The following DYNC2H1 variants were observed in gnomAD, a reference collection of about 807,000 sequenced individuals.
The protein encoded by DYNC2H1 is dynein cytoplasmic 2 heavy chain 1, also known as cytoplasmic dynein 2 heavy chain 1.
A neutral mutation model predicts 570.0 loss-of-function variants in DYNC2H1; 410 were observed. The observed-to-expected ratio is 0.72, with a 90% CI of 0.66 to 0.78. The LOEUF (loss-of-function observed/expected upper bound fraction) is 0.78, where lower values mean the gene tolerates loss of function less well. Among genes scored for constraint, DYNC2H1 ranks in the 30% least tolerant of loss-of-function variants. The pLI, the probability that DYNC2H1 is intolerant of heterozygous loss-of-function variation, is 0.00. For synonymous variants in DYNC2H1, 1,688 were observed against 1,677.6 expected (o/e 1.01, Z -0.15); for missense variants, 4,865 against 5,046.4 (o/e 0.96, Z 1.09).
At position 103,116,710 on chromosome 11, in the gene DYNC2H1, C is replaced by T; in HGVS notation, c.762C>T (p.Ile254=). Residue 254 remains isoleucine, a synonymous_variant, in exon 5 of 89, where the codon ATC becomes ATT. Coordinates refer to ENST00000375735, the MANE Select transcript of DYNC2H1 (RefSeq NM_001377.3). ...PESRMLHLLD[I]IGGSFGRFVQ... Reference sequence around the variant, plus strand: ...CACGAATGTTGCATCTCTTAGACATCATAGGTACTAGTAAAAAAATGAACT... The same window carrying T: ...CACGAATGTTGCATCTCTTAGACATTATAGGTACTAGTAAAAAAATGAACT... The T allele has an allele frequency of 6.3e-7, 1 of 1,579,338 alleles. No individual in the cohort carries two copies. Among genetic ancestry groups the T allele is most frequent in the Non-Finnish European group, 8.6e-7 (1 of 1,165,982 alleles).
intron 56 of DYNC2H1, among the ~76,000 whole-genome samples, 173 bp from the exon 57 acceptor site, chr11:103,220,450 A>G (rs530591543): frequency 6.6e-6 from 1 of 152,330 alleles, no homozygotes; most frequent in East Asian, 1.9e-4. Context: ...TACTGTCTCA[A>G]GTTGAACATT....
In DYNC2H1 at chr11:103,316,552, C is replaced by A; in HGVS notation, c.11657C>A (p.Thr3886Lys). 6.4e-7 allele frequency: 1 copy of A among 1,550,712 alleles called. No individual in the cohort carries two copies. The highest frequency in any genetic ancestry group is 8.7e-7 in the Non-Finnish European group (1 of 1,148,858). The change falls in exon 80 of 89, where the codon ACA becomes AAA. Residue 3886 changes from threonine (T) to lysine (K), a missense_variant. Thr to Lys is a moderately conservative substitution (Grantham distance 78). Transcript: ENST00000375735. ...ERRNYIPQGW[T>K]KFYEFSLSDL... is the part of the protein sequence containing the mutation. ...AAAATTGTTTTTTGACAGGGTTGGA[C>A]AAAGTTTTATGAATTTTCTTTATCA... is the stretch of plus-strand genomic sequence containing the variant.
intron 85 of DYNC2H1, among the ~76,000 whole-genome samples, chr11:103,437,995 G>A (rs550153): frequency 0.55 from 84,122 of 151,760 alleles, 23,922 homozygotes; most frequent in East Asian, 0.72. Flanking sequence ...AAAACTGGTC[G>A]TCAAAACTGA....
Position 103,134,227 on chromosome 11 carries a change from A to G in DYNC2H1, c.2107-94A>G. The G allele has an allele frequency of 4.8e-6, 5 of 1,043,404 alleles. No homozygotes were observed. The South Asian group carries it at 7.0e-5, about 15-fold the overall frequency. The allele number at this position is 1,043,404 out of a possible 1,614,324, so 64.6% of individuals were successfully genotyped here. A position where few individuals can be genotyped will look rare whatever the true frequency, so the allele number is the denominator to read the frequency against. ...TGTATAGATTAAGTTAAACTTGATC[A>G]CTTGGTTAAGGTGGTATCTGTCAGG... On this transcript the variant is annotated intron_variant, in intron 14 of 88. Transcript: ENST00000375735.
Position 103,170,184 on chromosome 11 carries a change from G to A in DYNC2H1, c.5045G>A (p.Gly1682Glu). The A allele has an allele frequency of 6.2e-7, 1 of 1,613,068 alleles. No individual in the cohort carries two copies. Among genetic ancestry groups the A allele is most frequent in the Non-Finnish European group, 8.5e-7 (1 of 1,179,478 alleles). The change falls in exon 33 of 89, where the codon GGA (glycine) becomes GAA (glutamate). Residue 1682 changes from glycine (G) to glutamate (E), a missense_variant. By Grantham distance (98) the Gly-to-Glu change is moderately conservative. Transcript: ENST00000375735. The surrounding 1 kb of genome is among the most constrained non-coding windows in gnomAD (Gnocchi z 4.8). ...ACTCTCACTCAAGCCATGAAGATGG[G>A]ACTTGGAGGAAATCCTTATGGACCA... ...YLTLTQAMKM[G>E]LGGNPYGPAG...
chr11:103,371,193 A>G (rs752898954), intron 83 of DYNC2H1, among the ~76,000 whole-genome samples: 39 of 152,112 alleles, frequency 2.6e-4, no homozygotes, highest in Non-Finnish European at 4.7e-4. Context: ...AAGCCTTTTG[A>G]TAACAGAATT....
Position 103,245,191 on chromosome 11 carries a change from G to A in DYNC2H1, c.9919-60G>A, listed in dbSNP as rs1482558381. 69 of 1,321,052 alleles carry A rather than the reference G, an allele frequency of 5.2e-5. No homozygotes were observed. The highest frequency in any genetic ancestry group is 1.6e-5 in the Non-Finnish European group (16 of 974,070). 81.8% of individuals were successfully genotyped at this position (1,321,052 alleles called of 1,614,324 possible). The stretch of plus-strand genomic sequence containing the variant: ...AATTACTGTAGAAAATCAAAGAAAG[G>A]ATGTTTGTAAATATTAAAGTAATTA... On this transcript the variant is annotated intron_variant, in intron 64 of 88. Transcript: ENST00000375735. This position sits in a 1 kb window ranked among gnomAD's most constrained non-coding sequence, Gnocchi z 4.5.
At chr11:103,427,467 G>GA in intron 84 of DYNC2H1, among the ~76,000 whole-genome samples, 1 of 152,200 alleles carries the variant, frequency 6.6e-6, no homozygotes, top group East Asian at 1.9e-4. Flanking sequence ...GCTGTAGATA[G>GA]TATAATCTGT....
rs1442440699 is a variant in DYNC2H1, at chr11:103,325,034, T to G, written c.12039+1044T>G. Among the ~76,000 whole-genome samples, 1 of 152,156 alleles carries G rather than the reference T, an allele frequency of 6.6e-6. No individual in the cohort carries two copies. Among genetic ancestry groups the G allele is most frequent in the African/African-American group, 2.4e-5 (1 of 41,448 alleles). On this transcript the variant is annotated intron_variant, in intron 82 of 88. Coordinates refer to ENST00000375735, the MANE Select transcript of DYNC2H1 (RefSeq NM_001377.3). This position sits in a 1 kb window ranked among gnomAD's most constrained non-coding sequence, Gnocchi z 4.8. ...TCTTTTGAGAAGCATCTCTTCATGTTTTTTGCCCACTTTTTAATGGGCTTG... is the reference window on the plus strand; with the variant it reads ...TCTTTTGAGAAGCATCTCTTCATGTGTTTTGCCCACTTTTTAATGGGCTTG...
At chr11:103,457,021 C>T (rs761075079) in intron 87 of DYNC2H1, among the ~76,000 whole-genome samples, 2 of 152,168 alleles carry the variant, frequency 1.3e-5, no homozygotes, top group African/African-American at 4.8e-5. Flanking sequence ...TTGTCAATGA[C>T]AGGTTGCACA....
chr11:103,149,753 A>G (rs1860441900), intron 20 of DYNC2H1, among the ~76,000 whole-genome samples: 1 of 151,936 alleles, frequency 6.6e-6, no homozygotes, highest in South Asian at 2.1e-4. Context: ...ATTCTCATGG[A>G]ACATACACGT....
At position 103,245,481 on chromosome 11, in the gene DYNC2H1, T is replaced by C. The variant is rs1053266358; in HGVS notation, c.10042+107T>C. 60 of 1,103,654 alleles carry C rather than the reference T, an allele frequency of 5.4e-5. No homozygotes were observed. Among genetic ancestry groups the C allele is most frequent in the Non-Finnish European group, 7.1e-5 (56 of 787,614 alleles). The allele number at this position is 1,103,654 out of a possible 1,614,324, so 68.4% of individuals were successfully genotyped here. On this transcript the variant is annotated intron_variant, in intron 65 of 88. Transcript: ENST00000375735. The surrounding 1 kb of genome is among the most constrained non-coding windows in gnomAD (Gnocchi z 4.5). The stretch of plus-strand genomic sequence containing the variant: ...AGTCCTCTTCCAGTGGAGTCACACA[T>C]GATGGGCTTACTTCCTTCAGCAATA...
At chr11:103,402,049 T>A (rs1434610901) in intron 84 of DYNC2H1, 8 of 152,096 alleles carry the variant, frequency 5.3e-5, no homozygotes, top group Non-Finnish European at 8.8e-5. Context: ...TTCAAAATAT[T>A]CTGAGATTTA....
intron 63 of DYNC2H1, among the ~76,000 whole-genome samples, chr11:103,237,593 T>C (rs1864269027): frequency 6.6e-6 from 1 of 152,048 alleles, no homozygotes; most frequent in African/African-American, 2.4e-5. Context: ...ATCACAAATA[T>C]GAAACTCTAA....
intron 28 of DYNC2H1, 74 bp downstream of exon 28, chr11:103,159,101 G>A: frequency 1.7e-6 from 2 of 1,177,052 alleles, no homozygotes; most frequent in East Asian, 2.5e-5. Flanking sequence ...TATGCTCTTA[G>A]GTAGACTACT....
rs1591489718 is a variant in DYNC2H1, at chr11:103,261,686, A to G, written c.10695+1709A>G. On this transcript the variant is annotated intron_variant, in intron 70 of 88. Coordinates refer to ENST00000375735, the MANE Select transcript of DYNC2H1 (RefSeq NM_001377.3). The surrounding 1 kb of genome is among the most constrained non-coding windows in gnomAD (Gnocchi z 4.8). ...AAAAGGACATCTATACAAAAACCCC[A>G]TCCGAAGGTCACCAAGATCAAAGAC... 6.6e-6 allele frequency among the ~76,000 whole-genome samples: 1 copy of G among 152,200 alleles called. No homozygotes were observed. Among genetic ancestry groups the G allele is most frequent in the East Asian group, 1.9e-4 (1 of 5,202 alleles).
intron 17 of DYNC2H1, among the ~76,000 whole-genome samples, chr11:103,142,598 G>T (rs80298681): frequency 0.01 from 1,597 of 152,226 alleles, 28 homozygotes; most frequent in African/African-American, 0.037. Context: ...AAACCAGGGA[G>T]ATGGAGGTTT....
chr11:103,313,765 T>A (rs1203941307), intron 79 of DYNC2H1, among the ~76,000 whole-genome samples: 1 of 152,226 alleles, frequency 6.6e-6, no homozygotes, highest in Non-Finnish European at 1.5e-5. Context: ...GTCTGATTTG[T>A]AGCCTGTCAA....
Position 103,187,329 on chromosome 11 carries a change from A to C in DYNC2H1, c.6894-11A>C. On this transcript the variant is annotated splice_polypyrimidine_tract_variant and intron_variant, in intron 42 of 88. Coordinates refer to ENST00000375735, the MANE Select transcript of DYNC2H1 (RefSeq NM_001377.3). ...TTTTTATCAAAGTCAGATGTCATGCATTTTTCGTAGGATGCTGCTCAGGTA... is the reference window on the plus strand; with the variant it reads ...TTTTTATCAAAGTCAGATGTCATGCCTTTTTCGTAGGATGCTGCTCAGGTA... 6.2e-7 allele frequency: 1 copy of C among 1,612,404 alleles called. No homozygotes were observed. Among genetic ancestry groups the C allele is most frequent in the South Asian group, 1.1e-5 (1 of 90,910 alleles).
Sources: gnomAD v4.1 joint callset for allele counts (sites outside exome capture counted in the v4.1 genomes callset) on GRCh38, gnomAD v4.1.1 for gene constraint, Gnocchi (gnomAD v3.1) non-coding constraint, MANE v1.5 for transcripts, NCBI Gene and HGNC (gene_info 2026-07-23, HGNC 2026-07-21) for gene names.